CMTM7: variants seen among roughly 807,000 people sequenced by gnomAD.
The protein encoded by CMTM7 is CKLF-like MARVEL transmembrane domain-containing protein 7.
In CMTM7, 7 loss-of-function variants were observed where a neutral mutation model predicts 19.3. The ratio of observed to expected loss-of-function variants is 0.36; its 90% CI spans 0.21 to 0.68. The LOEUF is 0.68. Ranked by LOEUF, CMTM7 falls within the 30% of genes least tolerant of loss-of-function variation. CMTM7 has a pLI of 0.60. For synonymous variants in CMTM7, 87 were observed against 99.3 expected (o/e 0.88, Z 0.74); for missense variants, 193 against 232.6 (o/e 0.83, Z 1.11).
chr3:32,451,557 C>T, intron 3 of CMTM7: 1 of 156,454 alleles, frequency 6.4e-6, no homozygotes, highest in Non-Finnish European at 1.4e-5. Context: ...TTAAAGGAAT[C>T]AATACACCCA....
rs756618154 is a variant in CMTM7 at position 32,441,871 on chromosome 3, G to A, written c.191G>A (p.Arg64Gln). 1.4e-5 allele frequency: 23 copies of A among 1,614,020 alleles called. No individual in the cohort carries two copies. The highest frequency in any genetic ancestry group is 4.0e-5 in the African/African-American group (3 of 74,914). Residue 64 changes from arginine to glutamine, a missense_variant, in exon 2 of 5, where the codon CGG becomes CAG. Transcript: ENST00000334983. ...CTGCTGATTGCCTTCATCTGTGTGC[G>A]GAGCTCCCTGTGGACCAACTACAGC... is the stretch of plus-strand genomic sequence containing the variant. Reference protein sequence around the residue: ...VTLLIAFICVRSSLWTNYSAY... With the variant: ...VTLLIAFICVQSSLWTNYSAY...
At chr3:32,426,500 T>A (rs143583256) in intron 1 of CMTM7, among the ~76,000 whole-genome samples, 1 of 152,220 alleles carries the variant, frequency 6.6e-6, no homozygotes, top group African/African-American at 2.4e-5. Flanking sequence ...AGAGTCACAG[T>A]TGACATTTTG....
chr3:32,417,659 A>G (rs979350703), intron 1 of CMTM7, among the ~76,000 whole-genome samples: 6 of 152,338 alleles, frequency 3.9e-5, no homozygotes, highest in African/African-American at 9.6e-5. Flanking sequence ...TACAGTGGCT[A>G]TACCATTTTG....
intron 1 of CMTM7, among the ~76,000 whole-genome samples, chr3:32,409,844 T>G (rs533094323): frequency 6.6e-6 from 1 of 152,278 alleles, no homozygotes; most frequent in Admixed American, 6.5e-5. Flanking sequence ...TATCTGAAGT[T>G]AATAGTTAGT....
At chr3:32,392,579 G>T (rs1245571051) in intron 1 of CMTM7, among the ~76,000 whole-genome samples, 3 of 152,238 alleles carry the variant, frequency 2.0e-5, no homozygotes, top group African/African-American at 2.4e-5. Flanking sequence ...GGAGGTCAGA[G>T]GGTCTTGTGT....
At chr3:32,420,288 A>G (rs1696325005) in intron 1 of CMTM7, among the ~76,000 whole-genome samples, 1 of 152,212 alleles carries the variant, frequency 6.6e-6, no homozygotes, top group South Asian at 2.1e-4. Context: ...GGGGACTGAA[A>G]GGCCTTCTTT....
At chr3:32,446,471 C>T (rs1452236169) in intron 2 of CMTM7, among the ~76,000 whole-genome samples, 6 of 151,918 alleles carry the variant, frequency 3.9e-5, no homozygotes, top group Middle Eastern at 3.2e-3. Context: ...TTATTGTTTT[C>T]CTATTATCTT....
chr3:32,433,829 C>T (rs1696555286), intron 1 of CMTM7, among the ~76,000 whole-genome samples: 1 of 152,160 alleles, frequency 6.6e-6, no homozygotes, highest in Non-Finnish European at 1.5e-5. Context: ...TAGGTTAATA[C>T]AATCGATTGA....
At chr3:32,403,744 A>C (rs573917673) in intron 1 of CMTM7, among the ~76,000 whole-genome samples, 1 of 152,302 alleles carries the variant, frequency 6.6e-6, no homozygotes, top group South Asian at 2.1e-4. Flanking sequence ...GTCATTAAAC[A>C]CTGAAAATGA....
intron 2 of CMTM7, among the ~76,000 whole-genome samples, chr3:32,446,977 C>T (rs539824667): frequency 2.3e-4 from 35 of 152,234 alleles, no homozygotes; most frequent in African/African-American, 6.5e-4. Flanking sequence ...ATTAAAACAA[C>T]GCAAAACAGA....
At chr3:32,411,933 G>C (rs1696182595) in intron 1 of CMTM7, among the ~76,000 whole-genome samples, 1 of 152,166 alleles carries the variant, frequency 6.6e-6, no homozygotes, top group African/African-American at 2.4e-5. Flanking sequence ...AGGAGGGAAA[G>C]GTGGAAGGGT....
At chr3:32,401,479 A>C (rs1178197176) in intron 1 of CMTM7, among the ~76,000 whole-genome samples, 1 of 152,224 alleles carries the variant, frequency 6.6e-6, no homozygotes, top group Non-Finnish European at 1.5e-5. Flanking sequence ...GGGGCCCTAG[A>C]GACCCCGGCC....
chr3:32,430,810 C>T (rs536282828), intron 1 of CMTM7, among the ~76,000 whole-genome samples: 29 of 151,990 alleles, frequency 1.9e-4, no homozygotes, highest in Non-Finnish European at 7.4e-5. Flanking sequence ...TGTCATCCCA[C>T]GTGTTAGAGA....
chr3:32,411,642 G>A (rs1248931490), intron 1 of CMTM7, among the ~76,000 whole-genome samples: 3 of 152,186 alleles, frequency 2.0e-5, no homozygotes, highest in Non-Finnish European at 2.9e-5. Context: ...CATACCCTGG[G>A]GGTCAAGGTG....
At chr3:32,404,234 C>T (rs1216755071) in intron 1 of CMTM7, among the ~76,000 whole-genome samples, 1 of 148,242 alleles carries the variant, frequency 6.7e-6, no homozygotes, top group African/African-American at 2.5e-5. Flanking sequence ...AATCTCGGCC[C>T]ACTGCAACCT....
chr3:32,430,735 C>G (rs1215498574), intron 1 of CMTM7, among the ~76,000 whole-genome samples: 1 of 104,958 alleles, frequency 9.5e-6, no homozygotes, highest in Admixed American at 9.1e-5. Flanking sequence ...TCCTGATGAC[C>G]CTTTGCTTCT....
intron 1 of CMTM7, among the ~76,000 whole-genome samples, chr3:32,428,879 C>G (rs1428949066): frequency 6.6e-6 from 1 of 152,190 alleles, no homozygotes; most frequent in South Asian, 2.1e-4. Context: ...AGCTGCCCAC[C>G]TGTGGCCCAC....
chr3:32,444,199 G>A (rs1696720483), intron 2 of CMTM7, among the ~76,000 whole-genome samples: 1 of 152,008 alleles, frequency 6.6e-6, no homozygotes. Flanking sequence ...TATACATTTA[G>A]GTATTTGATC....
chr3:32,411,963 T>A (rs1696183035), intron 1 of CMTM7, among the ~76,000 whole-genome samples: 1 of 152,242 alleles, frequency 6.6e-6, no homozygotes, highest in East Asian at 1.9e-4. Flanking sequence ...AAGAGAACAG[T>A]CTCTGCAAAG....
Sources: gnomAD v4.1 joint callset for allele counts (sites outside exome capture counted in the v4.1 genomes callset) on GRCh38, gnomAD v4.1.1 for gene constraint, MANE v1.5 for transcripts, NCBI Gene and HGNC (gene_info 2026-07-23, HGNC 2026-07-21) for gene names.